SLC47A2: variants seen among roughly 807,000 people sequenced by gnomAD.
SLC47A2 encodes the protein solute carrier family 47 member 2, also known as multidrug and toxin extrusion protein 2.
A neutral mutation model predicts 67.7 loss-of-function variants in SLC47A2; 52 were observed. The observed-to-expected ratio is 0.77, with a 90% CI of 0.61 to 0.97. The LOEUF is 0.97. Ranked by LOEUF, SLC47A2 falls within the 50% of genes least tolerant of loss-of-function variation. The pLI, the probability that SLC47A2 is intolerant of heterozygous loss-of-function variation, is 0.00. For synonymous variants in SLC47A2, 278 were observed against 292.9 expected (o/e 0.95, Z 0.52); for missense variants, 676 against 712.3 (o/e 0.95, Z 0.58).
At chr17:19,683,670 G>A (rs1000091291) in intron 13 of SLC47A2, among the ~76,000 whole-genome samples, 1 of 152,158 alleles carries the variant, frequency 6.6e-6, no homozygotes, top group African/African-American at 2.4e-5. Flanking sequence ...GAGACCCGTA[G>A]TACCCAGAAG....
chr17:19,703,261 G>A, intron 11 of SLC47A2, 94 bp from the exon 12 acceptor site: 6 of 1,168,142 alleles, frequency 5.1e-6, no homozygotes, highest in East Asian at 2.4e-5. Context: ...GTCAGTGCAA[G>A]TCAGCCCAGC....
At chr17:19,707,984 C>T (rs2085990178) in intron 7 of SLC47A2, 141 bp from the exon 8 acceptor site, 1 of 853,090 alleles carries the variant, frequency 1.2e-6, no homozygotes, top group Non-Finnish European at 1.8e-6. Context: ...TCAGACTCAA[C>T]CAGGGCCCAC....
At chr17:19,692,908 G>T (rs1415574183) in intron 13 of SLC47A2, among the ~76,000 whole-genome samples, 1 of 152,130 alleles carries the variant, frequency 6.6e-6, no homozygotes, top group Non-Finnish European at 1.5e-5. Context: ...CGAGGCAGGT[G>T]GATCACGAGG....
intron 13 of SLC47A2, among the ~76,000 whole-genome samples, chr17:19,698,861 TA>T (rs1597613779): frequency 6.6e-6 from 1 of 151,940 alleles, no homozygotes; most frequent in South Asian, 2.1e-4. Flanking sequence ...AATACAACAA[TA>T]AAAAAATAAA....
At position 19,685,252 on chromosome 17, in the gene SLC47A2, T is replaced by C. The variant is rs1020722754; in HGVS notation, c.1165-3582A>G. Among the ~76,000 whole-genome samples, 1 of 152,056 alleles carries C rather than the reference T, an allele frequency of 6.6e-6. No homozygotes were observed. The highest frequency in any genetic ancestry group is 2.4e-5 in the African/African-American group (1 of 41,416). On this transcript the variant is annotated intron_variant, in intron 13 of 16. Coordinates refer to ENST00000433844, the MANE Select transcript of SLC47A2 (RefSeq NM_001099646.3). This position sits in a 1 kb window ranked among gnomAD's most constrained non-coding sequence, Gnocchi z 4.5. ...CCCAAAGTGCTAAGATTACAGCCTC[T>C]GCCCGCCCGCCACCCCATCTAGGAA... is the stretch of plus-strand genomic sequence containing the variant.
At chr17:19,708,218 A>T in intron 7 of SLC47A2, 84 bp downstream of exon 7, 1 of 1,482,234 alleles carries the variant, frequency 6.7e-7, no homozygotes, top group Admixed American at 1.8e-5. Flanking sequence ...CAGGGCCAGG[A>T]TGGTGACTGA....
At chr17:19,714,417 A>G (rs2086194160) in intron 3 of SLC47A2, 1 of 506,422 alleles carries the variant, frequency 2.0e-6, no homozygotes, top group Non-Finnish European at 3.6e-6. Context: ...AGGCAGCCGA[A>G]CTTAGGATTG....
rs1257831788 is a variant in SLC47A2 at position 19,685,866 on chromosome 17, A to C, written c.1165-4196T>G. ...CATAGTGTAAGATATAAATAGAAAC[A>C]ACAAAGTTAAGAAACAGCAGGGGAT... On this transcript the variant is annotated intron_variant, in intron 13 of 16. Coordinates refer to ENST00000433844, the MANE Select transcript of SLC47A2 (RefSeq NM_001099646.3). This position sits in a 1 kb window ranked among gnomAD's most constrained non-coding sequence, Gnocchi z 4.5. 6.6e-6 allele frequency among the ~76,000 whole-genome samples: 1 copy of C among 152,258 alleles called. No homozygotes were observed. The highest frequency in any genetic ancestry group is 1.5e-5 in the Non-Finnish European group (1 of 68,036).
upstream of SLC47A2, chr17:19,716,950 CG>C (rs753588247): frequency 1.1e-5 from 2 of 183,190 alleles, no homozygotes; most frequent in Non-Finnish European, 2.3e-5. Flanking sequence ...GTCCTGTACC[CG>C]GGCGTGATGG....
rs1174890134 is a variant in SLC47A2 at position 19,680,047 on chromosome 17, A to G, written c.1393-8T>C. 1 of 1,612,838 alleles carries G rather than the reference A, an allele frequency of 6.2e-7. No individual in the cohort carries two copies. The highest frequency in any genetic ancestry group is 8.5e-7 in the Non-Finnish European group (1 of 1,179,480). Reference sequence around the variant, plus strand: ...GCCTGAATGTTTCTTAGCCTAAAGGAGAAAGAACTCAATTGGGTCAACCTG... The same window carrying G: ...GCCTGAATGTTTCTTAGCCTAAAGGGGAAAGAACTCAATTGGGTCAACCTG... On this transcript the variant is annotated splice_polypyrimidine_tract_variant and splice_region_variant and intron_variant, in intron 15 of 16. Coordinates refer to ENST00000433844, the MANE Select transcript of SLC47A2 (RefSeq NM_001099646.3).
intron 15 of SLC47A2, 53 bp from the exon 16 acceptor site, chr17:19,680,092 C>T: frequency 6.5e-7 from 1 of 1,549,310 alleles, no homozygotes. Context: ...CAGTTCACCC[C>T]TTCACTGCTA....
chr17:19,681,277 G>T, intron 15 of SLC47A2, 90 bp downstream of exon 15: 1 of 1,048,558 alleles, frequency 9.5e-7, no homozygotes, highest in South Asian at 1.6e-5. Flanking sequence ...AAGTTCTGAT[G>T]TGCTCTGGGC....
In SLC47A2 at chr17:19,678,871, T is replaced by G. The variant is rs1289102461; in HGVS notation, c.1516A>C (p.Thr506Pro). 3.1e-6 allele frequency: 5 copies of G among 1,598,032 alleles called. No individual in the cohort carries two copies. Among genetic ancestry groups the G allele is most frequent in the Middle Eastern group, 1.7e-4 (1 of 6,056 alleles). ...ACGTGGCACTCAGACCTTGAATACG[T>G]TGTCAAGGTAATGCCAGGGGAACTG... ...TGSSPGITLTTYSRSECHVDF... is the reference protein window; with the variant it reads ...TGSSPGITLTPYSRSECHVDF... The change falls in exon 17 of 17, where the codon ACG becomes CCG. Residue 506 changes from threonine to proline, a missense_variant. Transcript: ENST00000433844.
At chr17:19,714,646 T>A in intron 3 of SLC47A2, 75 bp downstream of exon 3, 1 of 1,570,860 alleles carries the variant, frequency 6.4e-7, no homozygotes, top group Non-Finnish European at 8.7e-7. Flanking sequence ...CCCTCCCACC[T>A]GCCATCTCCA....
At chr17:19,704,639 A>T in intron 10 of SLC47A2, 1 of 1,544,568 alleles carries the variant, frequency 6.5e-7, no homozygotes, top group Non-Finnish European at 8.7e-7. Flanking sequence ...CAGGGATAAC[A>T]TGCAGATGCG....
Position 19,705,377 on chromosome 17 carries a change from A to C in SLC47A2, c.909+59T>G. ...TCAGGTGACAGCCTGCCCCCCTCCT[A>C]TGACACCTCCAGCCATCAGGTGGGG... On this transcript the variant is annotated intron_variant, in intron 10 of 16. Transcript: ENST00000433844. 1.9e-6 allele frequency: 3 copies of C among 1,538,894 alleles called. No homozygotes were observed. In the South Asian group the frequency reaches 3.5e-5, roughly 18 times the overall value.
At chr17:19,714,084 G>C (rs2086184088) in intron 3 of SLC47A2, 111 bp from the exon 4 acceptor site, 8 of 1,422,388 alleles carry the variant, frequency 5.6e-6, no homozygotes, top group Non-Finnish European at 7.4e-6. Flanking sequence ...GGACCCGGCG[G>C]CCTCTGGTGA....
At chr17:19,696,414 A>G (rs918334959) in intron 13 of SLC47A2, among the ~76,000 whole-genome samples, 8 of 150,524 alleles carry the variant, frequency 5.3e-5, no homozygotes, top group Non-Finnish European at 1.5e-5. Context: ...GTAAGGCCAG[A>G]TTGCAGTACT....
At position 19,678,856 on chromosome 17, in the gene SLC47A2, C is replaced by G; in HGVS notation, c.1531G>C (p.Glu511Gln). ...GITLTTYSRS[E>Q]CHVDFFRTPE... ...GTCCTGAAGAAGTCCACGTGGCACT[C>G]AGACCTTGAATACGTTGTCAAGGTA... The change falls in exon 17 of 17, where the codon GAG becomes CAG. Residue 511 changes from glutamate to glutamine, a missense_variant. Transcript: ENST00000433844. 6.2e-7 allele frequency: 1 copy of G among 1,608,256 alleles called. No homozygotes were observed. Among genetic ancestry groups the G allele is most frequent in the South Asian group, 1.1e-5 (1 of 90,258 alleles).
Sources: gnomAD v4.1 joint callset for allele counts (sites outside exome capture counted in the v4.1 genomes callset) on GRCh38, gnomAD v4.1.1 for gene constraint, Gnocchi (gnomAD v3.1) non-coding constraint, MANE v1.5 for transcripts, NCBI Gene and HGNC (gene_info 2026-07-23, HGNC 2026-07-21) for gene names.